PRUNE2: variants seen among roughly 807,000 people sequenced by gnomAD.
PRUNE2 encodes prune homolog 2 with BCH domain.
A neutral mutation model predicts 252.0 loss-of-function variants in PRUNE2; 164 were observed. That is an observed-to-expected ratio of 0.65 (90% CI 0.57 to 0.74). PRUNE2 has a LOEUF of 0.74. PRUNE2 is among the 30% of genes least tolerant of loss of function. The pLI is 0.00. For missense variants in PRUNE2, 3,495 were observed against 3,711.0 expected (o/e 0.94, Z 1.51); for synonymous variants, 1,292 against 1,350.2 (o/e 0.96, Z 0.94).
At chr9:76,795,672 A>G (rs762214616) in intron 6 of PRUNE2, among the ~76,000 whole-genome samples, 6 of 152,190 alleles carry the variant, frequency 3.9e-5, no homozygotes, top group Non-Finnish European at 8.8e-5. Flanking sequence ...AAGGGGAGAT[A>G]AATGCAAATA....
rs1168185357 is a variant in PRUNE2, at chr9:76,619,256, C to CAGTCCTCAGTG, written c.9236+73_9236+83dup. ...GCTGAACATCTAAACAGGGTTTACC[C>CAGTCCTCAGTG]AGTCCTCAGTGTGTTTTCTTTCAGA... is the stretch of plus-strand genomic sequence containing the variant. On this transcript the variant is annotated intron_variant, in intron 18 of 18. Coordinates refer to ENST00000376718, the MANE Select transcript of PRUNE2 (RefSeq NM_015225.3). 3.6e-4 allele frequency: 317 copies of CAGTCCTCAGTG among 883,238 alleles called. No homozygotes were observed. The East Asian group carries it at 7.7e-3, about 21-fold the overall frequency. 54.7% of individuals were successfully genotyped at this position (883,238 alleles called of 1,614,324 possible).
chr9:76,770,777 T>G (rs1003625415), intron 6 of PRUNE2, among the ~76,000 whole-genome samples: 3 of 152,138 alleles, frequency 2.0e-5, no homozygotes, highest in Non-Finnish European at 2.9e-5. Context: ...AAGCCCAAAA[T>G]CATTCCAAAT....
chr9:76,624,308 C>G, intron 17 of PRUNE2, 144 bp downstream of exon 17: 1 of 482,630 alleles, frequency 2.1e-6, no homozygotes, highest in Admixed American at 3.9e-5. Context: ...ATAGAGATTA[C>G]ATCTATCATA....
Position 76,710,689 on chromosome 9 carries a change from C to G in PRUNE2, c.1585G>C (p.Glu529Gln). ...DDFFPNSDLS[E>Q]GQLPAGPEGL... ...TCAGGCCCAGCGGGGAGCTGTCCTT[C>G]TGACAGGTCACTGTTGGGGAAGAAG... The change falls in exon 8 of 19, where the codon GAA (glutamate) becomes CAA (glutamine). Residue 529 changes from glutamate (E) to glutamine (Q), a missense_variant. Transcript: ENST00000376718. 1 of 1,612,646 alleles carries G rather than the reference C, an allele frequency of 6.2e-7. No homozygotes were observed. Among genetic ancestry groups the G allele is most frequent in the Non-Finnish European group, 8.5e-7 (1 of 1,179,272 alleles).
chr9:76,891,691 C>T (rs2062481989), intron 1 of PRUNE2, among the ~76,000 whole-genome samples: 1 of 152,166 alleles, frequency 6.6e-6, no homozygotes, highest in Admixed American at 6.5e-5. Context: ...TAGATGAATC[C>T]AAACCACTAT....
At chr9:76,622,964 T>G (rs1833026120) in intron 17 of PRUNE2, among the ~76,000 whole-genome samples, 1 of 152,232 alleles carries the variant, frequency 6.6e-6, no homozygotes, top group Non-Finnish European at 1.5e-5. Context: ...TCCTATAGGT[T>G]ATTATAATAA....
At chr9:76,886,995 TA>T in intron 1 of PRUNE2, among the ~76,000 whole-genome samples, 1 of 152,342 alleles carries the variant, frequency 6.6e-6, no homozygotes, top group African/African-American at 2.4e-5. Flanking sequence ...AGACATAGTC[TA>T]AGAGCTTTAC....
At chr9:76,687,085 G>C (rs958778296) in intron 9 of PRUNE2, among the ~76,000 whole-genome samples, 5 of 152,134 alleles carry the variant, frequency 3.3e-5, no homozygotes, top group Admixed American at 2.0e-4. Flanking sequence ...TAATGTACAA[G>C]GAAAACTTCC....
intron 6 of PRUNE2, among the ~76,000 whole-genome samples, chr9:76,731,266 C>A (rs994598291): frequency 6.1e-5 from 9 of 148,168 alleles, no homozygotes; most frequent in African/African-American, 2.0e-4. Context: ...ACACTATAAA[C>A]ATATATTCCC....
At chr9:76,732,149 C>A (rs1438881182) in intron 6 of PRUNE2, among the ~76,000 whole-genome samples, 1 of 151,994 alleles carries the variant, frequency 6.6e-6, no homozygotes, top group East Asian at 1.9e-4. Context: ...CCTGTCTCTA[C>A]TAAAAATACA....
intron 9 of PRUNE2, among the ~76,000 whole-genome samples, chr9:76,677,518 G>A (rs1004282775): frequency 1.3e-5 from 2 of 152,202 alleles, no homozygotes; most frequent in African/African-American, 2.4e-5. Flanking sequence ...CTAAAGGGCC[G>A]CAGAGGCTGA....
At chr9:76,615,769 G>GTTTTTTTTTTTTT (rs58726178) in intron 18 of PRUNE2, among the ~76,000 whole-genome samples, 4 of 93,964 alleles carry the variant, frequency 4.3e-5, no homozygotes, top group African/African-American at 8.1e-5. Context: ...TGTGTGTGTG[G>GTTTTTTTTTTTTT]TTTTTTTTTT....
intron 9 of PRUNE2, among the ~76,000 whole-genome samples, chr9:76,684,418 A>G (rs1452751529): frequency 1.3e-5 from 2 of 151,988 alleles, no homozygotes; most frequent in African/African-American, 4.8e-5. Context: ...TGCAGACTCA[A>G]CCCCAGGGCA....
At position 76,704,893 on chromosome 9, in the gene PRUNE2, G is replaced by C; in HGVS notation, c.7381C>G (p.Arg2461Gly). 1 of 1,609,856 alleles carries C rather than the reference G, an allele frequency of 6.2e-7. No homozygotes were observed. The highest frequency in any genetic ancestry group is 1.7e-5 in the Admixed American group (1 of 59,418). Residue 2461 changes from arginine to glycine, a missense_variant, in exon 8 of 19, where the codon CGT becomes GGT. Arg to Gly is a moderately radical substitution (Grantham distance 125, BLOSUM62 -2). Coordinates refer to ENST00000376718, the MANE Select transcript of PRUNE2 (RefSeq NM_015225.3). ...AAATAAACGGACTCAGGGTCTTCAC[G>C]AATATGCAGCACAGCCAGCTGGGAT... ...PGSQLAVLHI[R>G]EDPESVYLPV...
At chr9:76,837,334 C>T (rs1195124890) in intron 4 of PRUNE2, among the ~76,000 whole-genome samples, 9 of 151,812 alleles carry the variant, frequency 5.9e-5, no homozygotes, top group Admixed American at 2.6e-4. Context: ...CCCAACTACT[C>T]GGGAGGCTGA....
At chr9:76,780,245 T>A (rs896822043) in intron 6 of PRUNE2, among the ~76,000 whole-genome samples, 2 of 152,262 alleles carry the variant, frequency 1.3e-5, no homozygotes, top group African/African-American at 4.8e-5. Context: ...GCCAGTAAAC[T>A]CATAATGAAG....
chr9:76,802,036 A>T (rs996423636), intron 6 of PRUNE2, among the ~76,000 whole-genome samples: 2 of 152,144 alleles, frequency 1.3e-5, no homozygotes, highest in East Asian at 3.8e-4. Flanking sequence ...ACATACTGAC[A>T]TTTTTAATAC....
intron 6 of PRUNE2, among the ~76,000 whole-genome samples, chr9:76,735,727 T>A (rs1226823326): frequency 6.6e-6 from 1 of 152,220 alleles, no homozygotes; most frequent in Non-Finnish European, 1.5e-5. Context: ...TAGAACAATA[T>A]TGGCTTTTCT....
chr9:76,717,844 C>T (rs2047293857), intron 6 of PRUNE2, among the ~76,000 whole-genome samples: 1 of 152,082 alleles, frequency 6.6e-6, no homozygotes, highest in South Asian at 2.1e-4. Context: ...CTGTCACAGC[C>T]CTTTGTCACT....
Sources: gnomAD v4.1 joint callset for allele counts (sites outside exome capture counted in the v4.1 genomes callset) on GRCh38, gnomAD v4.1.1 for gene constraint, MANE v1.5 for transcripts, NCBI Gene and HGNC (gene_info 2026-07-23, HGNC 2026-07-21) for gene names.